Variants in KLHL8 observed in about 807,000 individuals in gnomAD.
KLHL8 encodes the protein kelch like family member 8.
In KLHL8, 38 loss-of-function variants were observed where a neutral mutation model predicts 63.5. The observed-to-expected ratio is 0.60, with a 90% confidence interval of 0.46 to 0.78. KLHL8 has a LOEUF of 0.78. Ranked by LOEUF, KLHL8 falls within the 30% of genes least tolerant of loss-of-function variation. The probability of loss-of-function intolerance (pLI) is 0.00; values close to 1 mark genes in which losing one functional copy is unlikely to be tolerated. For missense variants in KLHL8, 566 were observed against 752.4 expected (o/e 0.75, Z 2.90); for synonymous variants, 224 against 254.3 (o/e 0.88, Z 1.13).
In KLHL8 at chr4:87,228,661, G is replaced by A. The variant is rs557598589; in HGVS notation, n.58-7271C>T. ...AGCCTATTCTTTTACTGGGTCAGTG[G>A]AGAAAGAAGGTACAAAAGTCAGGAG... On this transcript the variant is annotated intron_variant and non_coding_transcript_variant, in intron 1 of 1. Coordinates refer to the KLHL8 transcript ENST00000506274. Among the ~76,000 whole-genome samples, 4 of 152,288 alleles carry A rather than the reference G, an allele frequency of 2.6e-5. No homozygotes were observed. In the East Asian group the frequency reaches 7.7e-4, roughly 29 times the overall value.
rs1260589055 is a variant in KLHL8 at position 87,162,234 on chromosome 4, T to A, written c.*1285A>T. ...TGCACTGCAAATACAAAATAAAATA[T>A]TTTCATGTTCTTGATAAATATTTAT... On this transcript the variant is annotated 3_prime_UTR_variant, in exon 10 of 10. Transcript: ENST00000273963. 1.3e-5 allele frequency: 2 copies of A among 152,168 alleles called. No individual in the cohort carries two copies. The highest frequency in any genetic ancestry group is 4.8e-5 in the African/African-American group (2 of 41,458). 9.4% of individuals were successfully genotyped at this position (152,168 alleles called of 1,614,324 possible). A position where few individuals can be genotyped will look rare whatever the true frequency, so the allele number is the denominator to read the frequency against.
chr4:87,172,685 A>C (rs1330058368), intron 6 of KLHL8, among the ~76,000 whole-genome samples: 1 of 152,184 alleles, frequency 6.6e-6, no homozygotes, highest in East Asian at 1.9e-4. Context: ...ACACCTCTGA[A>C]CTATCTTTCA....
intron 5 of KLHL8, among the ~76,000 whole-genome samples, chr4:87,177,475 G>A (rs893906957): frequency 6.6e-6 from 1 of 151,902 alleles, no homozygotes; most frequent in Admixed American, 6.6e-5. Context: ...CTGCCTTCTA[G>A]CCTGGGCAAC....
At chr4:87,167,288 T>A (rs1345346946) in intron 8 of KLHL8, 1 of 465,802 alleles carries the variant, frequency 2.1e-6, no homozygotes, top group Admixed American at 2.5e-5. Context: ...CGAATCAAGT[T>A]CATGGGCTGC....
At chr4:87,207,308 C>T (rs1162720419) in intron 1 of KLHL8, 2 of 601,056 alleles carry the variant, frequency 3.3e-6, no homozygotes, top group Non-Finnish European at 6.2e-6. Context: ...AATCCCATTA[C>T]CATCTTCCAG....
chr4:87,226,117 T>TGA (rs1298040740), intron 1 of KLHL8, among the ~76,000 whole-genome samples: 2 of 152,232 alleles, frequency 1.3e-5, no homozygotes, highest in East Asian at 3.8e-4. Context: ...TCAGTAACTA[T>TGA]TTTTGAAACA....
chr4:87,190,095 C>CATTATAT (rs1731424029), intron 2 of KLHL8, among the ~76,000 whole-genome samples: 1 of 150,664 alleles, frequency 6.6e-6, no homozygotes, highest in Non-Finnish European at 1.5e-5. Context: ...TATTATTAAC[C>CATTATAT]ATTATATATA....
At chr4:87,222,793 AG>A (rs1489486038), upstream of KLHL8, among the ~76,000 whole-genome samples, 1 of 151,754 alleles carries the variant, frequency 6.6e-6, no homozygotes, top group Non-Finnish European at 1.5e-5. Flanking sequence ...CATGTTGGCC[AG>A]GCTGGTCTCG....
intron 8 of KLHL8, among the ~76,000 whole-genome samples, chr4:87,165,116 C>G (rs1431654828): frequency 3.6e-5 from 5 of 139,058 alleles, no homozygotes; most frequent in Non-Finnish European, 6.1e-5. Context: ...TGCCACTGCA[C>G]TCCAGCCTGG....
chr4:87,172,297 T>G (rs1020023273), intron 6 of KLHL8, among the ~76,000 whole-genome samples: 1 of 152,130 alleles, frequency 6.6e-6, no homozygotes, highest in Non-Finnish European at 1.5e-5. Context: ...GGAACTGAAT[T>G]CTATCAATAA....
At chr4:87,186,097 G>A (rs759934085) in intron 2 of KLHL8, among the ~76,000 whole-genome samples, 2 of 151,830 alleles carry the variant, frequency 1.3e-5, no homozygotes, top group Admixed American at 6.5e-5. Context: ...GGAGAGCAGC[G>A]GCGCAATCTC....
chr4:87,170,440 A>G lies in KLHL8; in HGVS notation c.1377+7T>C. On this transcript the variant is annotated splice_region_variant and intron_variant, in intron 7 of 9. Coordinates refer to ENST00000273963, the MANE Select transcript of KLHL8 (RefSeq NM_020803.5). The stretch of plus-strand genomic sequence containing the variant: ...GTAATTTAATGACAAGTTGCCATAT[A>G]ACTTACTACTAGAGCAACAGAGCCA... 1.3e-6 allele frequency: 2 copies of G among 1,588,956 alleles called. No homozygotes were observed. The highest frequency in any genetic ancestry group is 1.2e-5 in the South Asian group (1 of 86,016).
intron 1 of KLHL8, among the ~76,000 whole-genome samples, chr4:87,234,099 A>G (rs1733185033): frequency 6.6e-6 from 1 of 152,170 alleles, no homozygotes; most frequent in African/African-American, 2.4e-5. Context: ...TCACATAAGG[A>G]TGTTTTGGTC....
chr4:87,172,392 C>T (rs1730669045), intron 6 of KLHL8, among the ~76,000 whole-genome samples: 2 of 152,124 alleles, frequency 1.3e-5, no homozygotes, highest in Non-Finnish European at 2.9e-5. Flanking sequence ...CTTGTGGGAC[C>T]CTAAGTAGAA....
At chr4:87,180,914 T>C (rs1042105152) in intron 4 of KLHL8, among the ~76,000 whole-genome samples, 1 of 152,062 alleles carries the variant, frequency 6.6e-6, no homozygotes, top group Non-Finnish European at 1.5e-5. Context: ...TATGTGCCTA[T>C]GATTCCAGCT....
chr4:87,207,161 G>A, intron 1 of KLHL8: 1 of 564,794 alleles, frequency 1.8e-6, no homozygotes, highest in Admixed American at 1.9e-5. Flanking sequence ...TTTTAACTCT[G>A]GAAAAGTGGA....
At chr4:87,232,867 T>G (rs1733158696) in intron 1 of KLHL8, among the ~76,000 whole-genome samples, 1 of 152,130 alleles carries the variant, frequency 6.6e-6, no homozygotes. Flanking sequence ...AATTTGTTGG[T>G]CCATTTTTCT....
chr4:87,168,728 A>G (rs1042451366), intron 8 of KLHL8, among the ~76,000 whole-genome samples: 1 of 148,288 alleles, frequency 6.7e-6, no homozygotes, highest in African/African-American at 2.5e-5. Flanking sequence ...ATACGTATAT[A>G]TATGTGTGTA....
intron 2 of KLHL8, among the ~76,000 whole-genome samples, chr4:87,188,790 C>T (rs1300366899): frequency 6.6e-6 from 1 of 152,094 alleles, no homozygotes; most frequent in East Asian, 1.9e-4. Flanking sequence ...AGTCTAAAGA[C>T]CTGATGTTTA....
Sources: gnomAD v4.1 joint callset for allele counts (sites outside exome capture counted in the v4.1 genomes callset) on GRCh38, gnomAD v4.1.1 for gene constraint, MANE v1.5 for transcripts, NCBI Gene and HGNC (gene_info 2026-07-23, HGNC 2026-07-21) for gene names.